Variants in UNC13C observed in about 807,000 individuals in gnomAD.
UNC13C encodes the protein protein unc-13 homolog C.
UNC13C carries 174 observed loss-of-function variants against 245.4 expected under a neutral mutation model. The observed-to-expected ratio is 0.71, with a 90% confidence interval of 0.63 to 0.80. UNC13C has a LOEUF of 0.80. Ranked by LOEUF, UNC13C falls within the 30% of genes least tolerant of loss-of-function variation. The pLI is 0.00. For synonymous variants in UNC13C, 992 were observed against 895.1 expected, an observed-to-expected ratio of 1.11 and a Z score of -1.93; for missense variants, 2,829 against 2,602.9, an observed-to-expected ratio of 1.09 and a Z score of -1.89.
intron 25 of UNC13C, among the ~76,000 whole-genome samples, chr15:54,529,236 G>A (rs536264132): frequency 1.3e-5 from 2 of 152,236 alleles, no homozygotes; most frequent in East Asian, 3.9e-4. Flanking sequence ...AGTGGAATCA[G>A]GCCTTAAATA....
Position 54,013,199 on chromosome 15 carries a change from C to T in UNC13C, c.296C>T (p.Ala99Val). 1 of 1,613,762 alleles carries T rather than the reference C, an allele frequency of 6.2e-7. No individual in the cohort carries two copies. The change falls in exon 2 of 33, where the codon GCC becomes GTC. Residue 99 changes from alanine (A) to valine (V), a missense_variant. Ala to Val is a moderately conservative substitution (Grantham distance 64). Coordinates refer to ENST00000260323, the MANE Select transcript of UNC13C (RefSeq NM_001080534.3). ...ACATTCAGTTACCGAGTAGCTATTG[C>T]CAATGGCCTACAAAAGAATGCTAAA... ...SPTFSYRVAI[A>V]NGLQKNAKVT...
intron 2 of UNC13C, among the ~76,000 whole-genome samples, chr15:54,061,810 G>A (rs929543698): frequency 6.6e-6 from 1 of 152,090 alleles, no homozygotes; most frequent in Admixed American, 6.6e-5. Flanking sequence ...GAGAAAAGAA[G>A]GAAAAGGGAG....
intron 18 of UNC13C, among the ~76,000 whole-genome samples, chr15:54,413,560 A>C (rs1266202613): frequency 6.6e-6 from 1 of 152,142 alleles, no homozygotes; most frequent in Non-Finnish European, 1.5e-5. Context: ...GATTGTATTA[A>C]ATTTTTTAGA....
intron 19 of UNC13C, among the ~76,000 whole-genome samples, chr15:54,460,626 A>T (rs1891790368): frequency 6.6e-6 from 1 of 152,234 alleles, no homozygotes; most frequent in Non-Finnish European, 1.5e-5. Context: ...TTTCTCAGGC[A>T]ATGGGCAGGG....
intron 1 of UNC13C, among the ~76,000 whole-genome samples, chr15:53,987,533 T>C (rs1378547274): frequency 3.2e-5 from 2 of 62,720 alleles, no homozygotes; most frequent in Non-Finnish European, 4.4e-5. Context: ...ACAGGCTTTT[T>C]GTTGTTGTTG....
the UNC13C span, among the ~76,000 whole-genome samples, chr15:53,956,538 G>C: frequency 7.6e-6 from 1 of 131,116 alleles, no homozygotes; most frequent in Non-Finnish European, 1.7e-5. Context: ...AAAACAGAGA[G>C]GTAAAGAGGT....
chr15:54,507,999 A>C (rs1894558300), intron 23 of UNC13C, among the ~76,000 whole-genome samples: 1 of 152,066 alleles, frequency 6.6e-6, no homozygotes, highest in Non-Finnish European at 1.5e-5. Context: ...CTGAAACCTC[A>C]TTGACCTCTT....
Position 54,058,648 on chromosome 15 carries a change from G to A in UNC13C, c.2983+42762G>A, listed in dbSNP as rs191414344. On this transcript the variant is annotated intron_variant, in intron 2 of 32. Transcript: ENST00000260323. ...CATTCTGATACCAAAGCCGGGCAGA[G>A]ACACAACCAAAATAGAGAATTTTAG... 8.5e-5 allele frequency among the ~76,000 whole-genome samples: 13 copies of A among 152,258 alleles called. No homozygotes were observed. The East Asian group carries it at 2.5e-3, about 29-fold the overall frequency.
the UNC13C span, among the ~76,000 whole-genome samples, chr15:53,965,369 T>A: frequency 3.3e-5 from 5 of 152,036 alleles, no homozygotes; most frequent in African/African-American, 1.2e-4. Context: ...AACACAGCCT[T>A]CAGTACAATT....
At chr15:54,301,146 T>A (rs540033903) in intron 13 of UNC13C, among the ~76,000 whole-genome samples, 20 of 152,182 alleles carry the variant, frequency 1.3e-4, no homozygotes, top group Non-Finnish European at 2.1e-4. Context: ...TGTAAATTAT[T>A]TATATTAGAT....
intron 2 of UNC13C, among the ~76,000 whole-genome samples, chr15:54,037,360 C>G (rs1247087966): frequency 6.6e-6 from 1 of 152,138 alleles, no homozygotes; most frequent in Non-Finnish European, 1.5e-5. Context: ...ATAGTTTAAA[C>G]CGTCTGTTCC....
chr15:54,144,356 A>G (rs2032163684), intron 4 of UNC13C, among the ~76,000 whole-genome samples: 1 of 152,104 alleles, frequency 6.6e-6, no homozygotes, highest in African/African-American at 2.4e-5. Flanking sequence ...TTTTAACATA[A>G]AACAGTCCAC....
At chr15:54,209,750 T>C (rs1032142081) in intron 4 of UNC13C, among the ~76,000 whole-genome samples, 2 of 152,146 alleles carry the variant, frequency 1.3e-5, no homozygotes, top group African/African-American at 2.4e-5. Flanking sequence ...TACAAATATC[T>C]AGAAGGTTCT....
chr15:54,435,152 A>G (rs568604410), intron 19 of UNC13C, among the ~76,000 whole-genome samples: 40 of 152,124 alleles, frequency 2.6e-4, no homozygotes, highest in African/African-American at 9.6e-4. Flanking sequence ...TTAGTTCAGC[A>G]ATAGTGGAAG....
intron 30 of UNC13C, among the ~76,000 whole-genome samples, chr15:54,570,644 T>C (rs1449189093): frequency 6.6e-6 from 1 of 152,176 alleles, no homozygotes; most frequent in African/African-American, 2.4e-5. Flanking sequence ...TTCATGACCA[T>C]AGACTGAGTA....
At chr15:54,074,577 C>T (rs1473245158) in intron 2 of UNC13C, among the ~76,000 whole-genome samples, 1 of 152,108 alleles carries the variant, frequency 6.6e-6, no homozygotes, top group Non-Finnish European at 1.5e-5. Flanking sequence ...TTGTAGTTCT[C>T]CTTGAAGAGG....
chr15:54,055,999 G>C (rs988072569), intron 2 of UNC13C, among the ~76,000 whole-genome samples: 1 of 152,056 alleles, frequency 6.6e-6, no homozygotes, highest in Non-Finnish European at 1.5e-5. Flanking sequence ...TGATTTCTCT[G>C]ATTACAAGAG....
At chr15:54,369,872 A>G (rs1218605480) in intron 17 of UNC13C, among the ~76,000 whole-genome samples, 3 of 152,118 alleles carry the variant, frequency 2.0e-5, no homozygotes, top group Admixed American at 6.6e-5. Context: ...TGTTTCTACT[A>G]TTTTTAAGAA....
intron 1 of UNC13C, among the ~76,000 whole-genome samples, chr15:54,009,353 C>T (rs1895278073): frequency 1.3e-5 from 2 of 152,144 alleles, no homozygotes; most frequent in Non-Finnish European, 2.9e-5. Flanking sequence ...GCTTCTTGAA[C>T]TTTTTCACTA....
Sources: allele counts gnomAD v4.1 joint callset (sites outside exome capture counted in the v4.1 genomes callset), GRCh38; gene constraint gnomAD v4.1.1; transcripts MANE v1.5; gene names NCBI Gene and HGNC (gene_info 2026-07-23, HGNC 2026-07-21).